Variants in CDK14 observed in about 807,000 individuals in gnomAD.
CDK14 encodes cyclin-dependent kinase 14.
Under a neutral mutation model 60.7 loss-of-function variants are expected in CDK14, and 34 were observed. The observed-to-expected ratio is 0.56, with a 90% CI of 0.43 to 0.75. The LOEUF (loss-of-function observed/expected upper bound fraction) is 0.75. Ranked by LOEUF, CDK14 falls within the 30% of genes least tolerant of loss-of-function variation. The pLI is 0.00. For synonymous variants in CDK14, 197 were observed against 203.7 expected, an observed-to-expected ratio of 0.97 and a Z score of 0.28; for missense variants, 482 against 564.1, an observed-to-expected ratio of 0.85 and a Z score of 1.47.
rs932229758 is a variant in CDK14, at chr7:90,642,489, G to T, written c.123+38240G>T. Among the ~76,000 whole-genome samples the T allele has an allele frequency of 5.3e-5, 8 of 151,974 alleles. No individual in the cohort carries two copies. The East Asian group carries it at 1.4e-3, about 26-fold the overall frequency. ...TGCTACTTTCTTTGGATAAAATTCT[G>T]ACTGACACTCAGAAAAAATGAATAG... is the stretch of plus-strand genomic sequence containing the variant. On this transcript the variant is annotated intron_variant, in intron 2 of 14. Transcript: ENST00000380050.
At chr7:91,030,555 C>A (rs1796732605) in intron 10 of CDK14, among the ~76,000 whole-genome samples, 1 of 152,094 alleles carries the variant, frequency 6.6e-6, no homozygotes, top group Non-Finnish European at 1.5e-5. Flanking sequence ...TTCTGCCTCT[C>A]AAATGCCCCA....
rs114542977 is a variant in CDK14, at chr7:91,102,446, A to G, written c.1155-10096A>G. ...ATGGTCTAATATGTAAATTACACCTACCACACCTTTACTCTTTATATCCAG... is the reference window on the plus strand; with the variant it reads ...ATGGTCTAATATGTAAATTACACCTGCCACACCTTTACTCTTTATATCCAG... On this transcript the variant is annotated intron_variant, in intron 12 of 14. Transcript: ENST00000380050. Among the ~76,000 whole-genome samples, 650 of 152,290 alleles carry G rather than the reference A, an allele frequency of 4.3e-3. 4 individuals are homozygous for G. The highest frequency in any genetic ancestry group is 0.015 in the African/African-American group (625 of 41,568).
chr7:91,086,167 G>A (rs1333685967), intron 12 of CDK14, among the ~76,000 whole-genome samples: 1 of 152,184 alleles, frequency 6.6e-6, no homozygotes, highest in African/African-American at 2.4e-5. Context: ...CAAGTGTCCA[G>A]AGATCTTGCT....
intron 2 of CDK14, among the ~76,000 whole-genome samples, chr7:90,712,998 CT>C (rs5885739): frequency 0.46 from 70,392 of 151,860 alleles, 17,159 homozygotes; most frequent in East Asian, 0.86. Context: ...CGCCATGGGC[CT>C]TCTTTTACTC....
intron 14 of CDK14, among the ~76,000 whole-genome samples, chr7:91,147,160 TCTCACACACACACA>T (rs1165754558): frequency 2.4e-4 from 26 of 107,748 alleles, no homozygotes; most frequent in African/African-American, 7.1e-4. Context: ...TCTCTCTCTC[TCTCACACACACACA>T]CACACACACA....
intron 2 of CDK14, among the ~76,000 whole-genome samples, chr7:90,621,607 A>G (rs1358539735): frequency 8.2e-6 from 1 of 121,382 alleles, no homozygotes; most frequent in Non-Finnish European, 1.8e-5. Context: ...CATAATTCAG[A>G]CTTTTTTTCC....
At chr7:90,844,473 T>G (rs900509041) in intron 5 of CDK14, among the ~76,000 whole-genome samples, 3 of 152,246 alleles carry the variant, frequency 2.0e-5, no homozygotes, top group Admixed American at 6.5e-5. Flanking sequence ...GTAGGACTTC[T>G]AAATTCCTGT....
chr7:91,066,481 G>A (rs1562890161), intron 11 of CDK14, among the ~76,000 whole-genome samples: 1 of 152,154 alleles, frequency 6.6e-6, no homozygotes, highest in Non-Finnish European at 1.5e-5. Context: ...ATGTCTTTCT[G>A]TCATTGAAGT....
intron 14 of CDK14, among the ~76,000 whole-genome samples, chr7:91,137,687 GT>G (rs1214574104): frequency 1.8e-4 from 6 of 33,192 alleles, no homozygotes; most frequent in South Asian, 1.1e-3. Context: ...CTAAAGACTT[GT>G]GGGGGGTGTG....
chr7:90,630,886 G>GTA (rs921567230), intron 2 of CDK14, among the ~76,000 whole-genome samples: 1 of 115,818 alleles, frequency 8.6e-6, no homozygotes, highest in Non-Finnish European at 1.9e-5. Flanking sequence ...CTTGGGGTGT[G>GTA]TATGTGTGTG....
chr7:90,729,350 T>G (rs978115089), intron 3 of CDK14, among the ~76,000 whole-genome samples: 8 of 120,358 alleles, frequency 6.6e-5, no homozygotes, highest in African/African-American at 2.8e-4. Flanking sequence ...CAAGGTTTTT[T>G]TTTTTTTTTT....
At chr7:90,683,251 A>G (rs1584791236) in intron 2 of CDK14, among the ~76,000 whole-genome samples, 1 of 152,210 alleles carries the variant, frequency 6.6e-6, no homozygotes, top group East Asian at 1.9e-4. Context: ...TCTGGTGTGA[A>G]CTTACAGATT....
chr7:91,119,668 T>C (rs1799721440), intron 14 of CDK14, among the ~76,000 whole-genome samples: 1 of 152,224 alleles, frequency 6.6e-6, no homozygotes, highest in Admixed American at 6.5e-5. Flanking sequence ...TGCCAGTATC[T>C]TGAGCTACTT....
At chr7:91,111,537 C>T (rs202131846) in intron 12 of CDK14, among the ~76,000 whole-genome samples, 4 of 152,140 alleles carry the variant, frequency 2.6e-5, no homozygotes, top group African/African-American at 7.2e-5. Flanking sequence ...CATATGCAAA[C>T]CACTTTAGAG....
intron 5 of CDK14, among the ~76,000 whole-genome samples, chr7:90,805,026 TAAATA>T (rs1199235346): frequency 6.6e-6 from 1 of 152,116 alleles, no homozygotes; most frequent in African/African-American, 2.4e-5. Context: ...GGCCTAGACA[TAAATA>T]AAATGTCCTG....
chr7:90,930,844 A>G (rs1793570951), intron 8 of CDK14, among the ~76,000 whole-genome samples: 1 of 152,102 alleles, frequency 6.6e-6, no homozygotes, highest in Admixed American at 6.5e-5. Context: ...ATGTGAGAGC[A>G]TTGATTTGTG....
intron 2 of CDK14, among the ~76,000 whole-genome samples, chr7:90,616,997 C>G (rs1203565720): frequency 6.6e-6 from 1 of 151,634 alleles, no homozygotes; most frequent in African/African-American, 2.4e-5. Context: ...AGCTTCAAAA[C>G]CTTACCTCTT....
intron 12 of CDK14, among the ~76,000 whole-genome samples, chr7:91,093,580 A>G (rs2116283681): frequency 6.6e-6 from 1 of 152,332 alleles, no homozygotes; most frequent in South Asian, 2.1e-4. Context: ...AAGAATATTG[A>G]AAATATTTGT....
intron 11 of CDK14, among the ~76,000 whole-genome samples, chr7:91,068,697 G>GTCATA (rs1248974256): frequency 1.3e-5 from 2 of 149,238 alleles, no homozygotes; most frequent in Non-Finnish European, 3.0e-5. Flanking sequence ...CATAGCCCAA[G>GTCATA]TCATATTGTC....
Sources: gnomAD v4.1 joint callset for allele counts (sites outside exome capture counted in the v4.1 genomes callset) on GRCh38, gnomAD v4.1.1 for gene constraint, MANE v1.5 for transcripts, NCBI Gene and HGNC (gene_info 2026-07-23, HGNC 2026-07-21) for gene names.